The following LRP5 variants were observed in gnomAD, a reference collection of about 807,000 sequenced individuals.
The protein encoded by LRP5 is low-density lipoprotein receptor-related protein 5.
In LRP5, 62 loss-of-function variants were observed where a neutral mutation model predicts 154.1. That is an observed-to-expected ratio of 0.40 (90% CI 0.33 to 0.50). The LOEUF is 0.50. LRP5 is among the 20% of genes least tolerant of loss of function. LRP5 has a pLI of 0.55. For synonymous variants in LRP5, 966 were observed against 1,011.5 expected (o/e 0.96, Z 0.85); for missense variants, 1,915 against 2,336.7 (o/e 0.82, Z 3.72).
rs575395749 is a variant in LRP5, at chr11:68,429,714, A to G, written c.3763+14A>G. 5.6e-6 allele frequency: 9 copies of G among 1,613,986 alleles called. No homozygotes were observed. The highest frequency in any genetic ancestry group is 7.6e-6 in the Non-Finnish European group (9 of 1,179,998). On this transcript the variant is annotated intron_variant, in intron 17 of 22. Coordinates refer to ENST00000294304, the MANE Select transcript of LRP5 (RefSeq NM_002335.4). ...TGACCTGTGGAGGTAGGTGTGACCT[A>G]GGTGCTCCTTTGGGGTGATGGACAG...
chr11:68,404,990 A>AG (rs1591286544), intron 8 of LRP5, among the ~76,000 whole-genome samples: 2 of 151,038 alleles, frequency 1.3e-5, no homozygotes, highest in African/African-American at 4.9e-5. Flanking sequence ...AAAAAAAAAA[A>AG]AAGTCCAAAA....
At chr11:68,409,328 A>G (rs2098658086) in intron 9 of LRP5, among the ~76,000 whole-genome samples, 1 of 144,960 alleles carries the variant, frequency 6.9e-6, no homozygotes, top group African/African-American at 2.5e-5. Flanking sequence ...TTTAAAATAT[A>G]TGTAATGTAT....
upstream of LRP5, among the ~76,000 whole-genome samples, chr11:68,311,963 C>T (rs1191955782): frequency 6.6e-6 from 1 of 152,234 alleles, no homozygotes; most frequent in African/African-American, 2.4e-5. Flanking sequence ...GGCAAGAGGC[C>T]CTGGCGGGCT....
intron 3 of LRP5, among the ~76,000 whole-genome samples, chr11:68,359,890 G>A (rs183100122): frequency 9.0e-4 from 137 of 151,678 alleles, no homozygotes; most frequent in Admixed American, 2.4e-3. Flanking sequence ...AGGTTCTAGC[G>A]ATTCTCCTGC....
At position 68,423,906 on chromosome 11, in the gene LRP5, C is replaced by T. The variant is rs150564062; in HGVS notation, c.3236+209C>T. On this transcript the variant is annotated intron_variant, in intron 14 of 22. Coordinates refer to ENST00000294304, the MANE Select transcript of LRP5 (RefSeq NM_002335.4). The surrounding 1 kb of genome is among the most constrained non-coding windows in gnomAD (Gnocchi z 4.7). ...CCAAGGGCTGGAAGGGAAGGGGGAG[C>T]TCTGCTGAGAGGTTACAAGGCAGCG... 6.3e-4 allele frequency among the ~76,000 whole-genome samples: 96 copies of T among 152,346 alleles called. No homozygotes were observed. Among genetic ancestry groups the T allele is most frequent in the African/African-American group, 2.2e-3 (91 of 41,578 alleles).
chr11:68,434,048 G>GT (rs1259486041), intron 18 of LRP5, among the ~76,000 whole-genome samples: 1 of 152,212 alleles, frequency 6.6e-6, no homozygotes, highest in African/African-American at 2.4e-5. Flanking sequence ...AAGGCAGACT[G>GT]TGAGGGTCTA....
intron 17 of LRP5, among the ~76,000 whole-genome samples, chr11:68,432,542 C>T (rs2098672525): frequency 6.6e-6 from 1 of 152,204 alleles, no homozygotes; most frequent in Non-Finnish European, 1.5e-5. Context: ...GGAAGGCCTG[C>T]GGGTTCCAAA....
intron 11 of LRP5, among the ~76,000 whole-genome samples, chr11:68,412,043 C>A (rs2153167351): frequency 6.6e-6 from 1 of 152,306 alleles, no homozygotes; most frequent in Non-Finnish European, 1.5e-5. Flanking sequence ...CCCCACCCAG[C>A]CCTGAACCCC....
chr11:68,400,033 A>G (rs531039173), intron 7 of LRP5, among the ~76,000 whole-genome samples: 1 of 151,662 alleles, frequency 6.6e-6, no homozygotes, highest in Non-Finnish European at 1.5e-5. Context: ...AGGTTCAGGG[A>G]GTGGCTTCTG....
At chr11:68,299,720 T>C in the LRP5 span, among the ~76,000 whole-genome samples, 2 of 139,910 alleles carry the variant, frequency 1.4e-5, no homozygotes, top group Non-Finnish European at 3.1e-5. Context: ...GTAGCTGGGA[T>C]TACAGGCACC....
intron 21 of LRP5, among the ~76,000 whole-genome samples, chr11:68,442,188 C>T (rs965134605): frequency 6.6e-6 from 1 of 152,250 alleles, no homozygotes; most frequent in African/African-American, 2.4e-5. Context: ...TGGTTTCCCC[C>T]AGTGCTGCCT....
At chr11:68,393,826 C>A (rs987027689) in intron 7 of LRP5, among the ~76,000 whole-genome samples, 2 of 152,156 alleles carry the variant, frequency 1.3e-5, no homozygotes, top group Non-Finnish European at 2.9e-5. Context: ...TTAAAACATT[C>A]ATCACAGCCA....
At chr11:68,354,592 C>T (rs2098621558) in intron 2 of LRP5, among the ~76,000 whole-genome samples, 1 of 152,220 alleles carries the variant, frequency 6.6e-6, no homozygotes, top group African/African-American at 2.4e-5. Flanking sequence ...CACGCGGGAG[C>T]CTTCCCTGGG....
chr11:68,411,355 A>T lies in LRP5; in HGVS notation c.2319-81A>T. On this transcript the variant is annotated intron_variant, in intron 10 of 22. Coordinates refer to ENST00000294304, the MANE Select transcript of LRP5 (RefSeq NM_002335.4). ...GGAGGGCTGAGCTGAAGAGGTGGGG[A>T]CAGTTGCGTCCCCCCGCCACCCACT... 10 of 1,471,804 alleles carry T rather than the reference A, an allele frequency of 6.8e-6. No individual in the cohort carries two copies. The South Asian group carries it at 1.2e-4, about 17-fold the overall frequency. The allele number at this position is 1,471,804 out of a possible 1,614,324, so 91.2% of individuals were successfully genotyped here.
chr11:68,406,962 TA>T (rs58524064), intron 9 of LRP5, 149 bp downstream of exon 9: 971 of 579,978 alleles, frequency 1.7e-3, no homozygotes, highest in Middle Eastern at 1.9e-3. Context: ...CAAGCCTATT[TA>T]AAAAAAAAAA....
chr11:68,346,066 A>G (rs1258514519), intron 1 of LRP5, among the ~76,000 whole-genome samples: 5 of 152,164 alleles, frequency 3.3e-5, no homozygotes, highest in African/African-American at 1.2e-4. Context: ...TTTCATGGAT[A>G]TTAATCTCTT....
At chr11:68,422,119 AT>A (rs1166534809) in intron 13 of LRP5, among the ~76,000 whole-genome samples, 1 of 151,364 alleles carries the variant, frequency 6.6e-6, no homozygotes, top group Non-Finnish European at 1.5e-5. Context: ...GGTTGGTTTA[AT>A]TTTTTTTGAT....
At position 68,353,706 on chromosome 11, in the gene LRP5, T is replaced by TC. The variant is rs1445115839; in HGVS notation, c.489-3939dup. 1.3e-5 allele frequency among the ~76,000 whole-genome samples: 2 copies of TC among 152,066 alleles called. No individual in the cohort carries two copies. Among genetic ancestry groups the TC allele is most frequent in the Non-Finnish European group, 2.9e-5 (2 of 67,990 alleles). On this transcript the variant is annotated intron_variant, in intron 2 of 22. Transcript: ENST00000294304. This position sits in a 1 kb window ranked among gnomAD's most constrained non-coding sequence, Gnocchi z 4.5. ...TCTCCTGTGCCCTCCTGCAGTGCTG[T>TC]CCCCCACCAGGGTCCTTCCTCAGAG...
rs373823574 is a variant in LRP5, at chr11:68,357,684, C to T, written c.523C>T (p.Arg175Trp). 19 of 1,613,996 alleles carry T rather than the reference C, an allele frequency of 1.2e-5. No individual in the cohort carries two copies. The highest frequency in any genetic ancestry group is 8.0e-5 in the African/African-American group (6 of 74,942). ...CTGGACAGACTGGGGTGAGACGCCC[C>T]GGATTGAGCGGGCAGGGATGGATGG... ...MYWTDWGETP[R>W]IERAGMDGST... The change falls in exon 3 of 23, where the codon CGG (arginine) becomes TGG (tryptophan). Residue 175 changes from arginine (R) to tryptophan (W), a missense_variant. Around this residue, in one of 3 missense-constraint regions of LRP5, gnomAD observed 773 missense variants for 1,100.9 expected, o/e 0.70. Coordinates refer to ENST00000294304, the MANE Select transcript of LRP5 (RefSeq NM_002335.4).
Sources: gnomAD v4.1 joint callset for allele counts (sites outside exome capture counted in the v4.1 genomes callset) on GRCh38, gnomAD v4.1.1 for gene constraint, gnomAD v4.1.1 regional missense constraint, Gnocchi (gnomAD v3.1) non-coding constraint, MANE v1.5 for transcripts, NCBI Gene and HGNC (gene_info 2026-07-23, HGNC 2026-07-21) for gene names.